The following LURAP1L variants were observed in gnomAD, a reference collection of about 807,000 sequenced individuals.
The protein encoded by LURAP1L is leucine rich adaptor protein 1 like, also known as leucine rich adaptor protein 1-like.
In LURAP1L, 12 loss-of-function variants were observed where a neutral mutation model predicts 13.8. The observed-to-expected ratio is 0.87, with a 90% confidence interval of 0.56 to 1.41. The LOEUF is 1.41. Among genes scored for constraint, LURAP1L ranks in the 40% most tolerant of loss-of-function variants. LURAP1L has a pLI of 0.00. For synonymous variants in LURAP1L, 139 were observed against 119.2 expected (o/e 1.17, Z -1.08); for missense variants, 375 against 292.9 (o/e 1.28, Z -2.04).
intron 1 of LURAP1L, among the ~76,000 whole-genome samples, chr9:12,778,225 T>A (rs1326800): frequency 6.6e-6 from 1 of 151,910 alleles, no homozygotes; most frequent in Non-Finnish European, 1.5e-5. Context: ...TAAGACCCAA[T>A]AGGATGTAGG....
intron 1 of LURAP1L, among the ~76,000 whole-genome samples, chr9:12,811,576 T>A (rs926336197): frequency 6.6e-6 from 1 of 152,188 alleles, no homozygotes; most frequent in African/African-American, 2.4e-5. Context: ...CTTACTCTAT[T>A]TGTTCCTTTT....
At chr9:12,813,530 A>G (rs1294701575) in intron 1 of LURAP1L, among the ~76,000 whole-genome samples, 1 of 152,192 alleles carries the variant, frequency 6.6e-6, no homozygotes, top group African/African-American at 2.4e-5. Context: ...AAAACACTAT[A>G]AAGCAGAACT....
chr9:12,811,778 A>C (rs1435848136), intron 1 of LURAP1L, among the ~76,000 whole-genome samples: 1 of 152,238 alleles, frequency 6.6e-6, no homozygotes, highest in African/African-American at 2.4e-5. Flanking sequence ...AACTTAAAAC[A>C]GCAAACATGT....
Position 12,821,386 on chromosome 9 carries a change from G to A in LURAP1L, c.313G>A (p.Val105Ile). Residue 105 changes from valine to isoleucine, a missense_variant and splice_region_variant, in exon 2 of 2, where the codon GTT becomes ATT. By Grantham distance (29) the Val-to-Ile change is conservative. Coordinates refer to ENST00000319264, the MANE Select transcript of LURAP1L (RefSeq NM_203403.2). ...TKLHLLRQEM[V>I]NLRATDVRLM... Reference sequence around the variant, plus strand: ...ATCTTTCTTCTCTCTTTGTCCATAGGTTAACCTCAGAGCCACAGACGTCAG... The same window carrying A: ...ATCTTTCTTCTCTCTTTGTCCATAGATTAACCTCAGAGCCACAGACGTCAG... The A allele has an allele frequency of 1.9e-6, 3 of 1,612,048 alleles. No individual in the cohort carries two copies. The highest frequency in any genetic ancestry group is 2.5e-6 in the Non-Finnish European group (3 of 1,178,480).
At chr9:12,791,691 TACACACACAC>T (rs111521632) in intron 1 of LURAP1L, among the ~76,000 whole-genome samples, 2 of 147,628 alleles carry the variant, frequency 1.4e-5, no homozygotes, top group Non-Finnish European at 3.0e-5. Context: ...CCCTTCTTTT[TACACACACAC>T]ACACACACAC....
At chr9:12,818,897 C>A (rs142779594) in intron 1 of LURAP1L, among the ~76,000 whole-genome samples, 1 of 152,214 alleles carries the variant, frequency 6.6e-6, no homozygotes, top group African/African-American at 2.4e-5. Context: ...GCTACAGATG[C>A]CTGCTGAATG....
In LURAP1L at chr9:12,787,941, G is replaced by A. The variant is rs191008514; in HGVS notation, c.312+11914G>A. On this transcript the variant is annotated intron_variant, in intron 1 of 1. Coordinates refer to ENST00000319264, the MANE Select transcript of LURAP1L (RefSeq NM_203403.2). ...AACCTGGCCAACATGGTGAAACCCC[G>A]TCTCTGCTAAAAATACAAAAATTAG... 3.6e-3 allele frequency among the ~76,000 whole-genome samples: 549 copies of A among 151,900 alleles called. 14 individuals carry two copies. The highest frequency in any genetic ancestry group is 0.033 in the Admixed American group (503 of 15,226).
intron 1 of LURAP1L, among the ~76,000 whole-genome samples, chr9:12,813,810 TA>T (rs1317009467): frequency 3.3e-5 from 5 of 152,096 alleles, no homozygotes; most frequent in Non-Finnish European, 1.5e-5. Context: ...AAGTGAAAAA[TA>T]ATTTAACAGT....
At chr9:12,804,980 TA>T (rs901738056) in intron 1 of LURAP1L, among the ~76,000 whole-genome samples, 1 of 152,150 alleles carries the variant, frequency 6.6e-6, no homozygotes, top group Non-Finnish European at 1.5e-5. Flanking sequence ...CCATAAGTTG[TA>T]ACCAAATTTA....
intron 1 of LURAP1L, among the ~76,000 whole-genome samples, chr9:12,812,033 T>C (rs147090036): frequency 0.013 from 1,952 of 152,308 alleles, 34 homozygotes; most frequent in Non-Finnish European, 0.014. Context: ...CAAGGGGCAG[T>C]TCACAGCATT....
Position 12,776,001 on chromosome 9 carries a change from A to G in LURAP1L, c.286A>G (p.Lys96Glu). 6.2e-7 allele frequency: 1 copy of G among 1,611,536 alleles called. No individual in the cohort carries two copies. The highest frequency in any genetic ancestry group is 1.3e-5 in the African/African-American group (1 of 74,900). Residue 96 changes from lysine to glutamate, a missense_variant, in exon 1 of 2, where the codon AAG becomes GAG. By Grantham distance (56) the Lys-to-Glu change is moderately conservative. Coordinates refer to ENST00000319264, the MANE Select transcript of LURAP1L (RefSeq NM_203403.2). ...TAGCGCCCTGGAGAGGCTAGAAACC[A>G]AGCTTCACCTCCTCAGGCAAGAGAT... ...HSSALERLET[K>E]LHLLRQEMVN...
chr9:12,806,716 CTTT>C (rs1159958939), intron 1 of LURAP1L, among the ~76,000 whole-genome samples: 3 of 151,704 alleles, frequency 2.0e-5, no homozygotes, highest in African/African-American at 2.4e-5. Context: ...TACTAATTTA[CTTT>C]TTTATTTTTT....
intron 1 of LURAP1L, among the ~76,000 whole-genome samples, chr9:12,783,061 G>T (rs1261666236): frequency 6.6e-6 from 1 of 151,598 alleles, no homozygotes; most frequent in Non-Finnish European, 1.5e-5. Flanking sequence ...TGTTAATTTT[G>T]TATCCTACAA....
chr9:12,784,802 G>C (rs536720263), intron 1 of LURAP1L, among the ~76,000 whole-genome samples: 47 of 151,918 alleles, frequency 3.1e-4, no homozygotes, highest in Non-Finnish European at 6.0e-4. Context: ...TCTGGCCCAG[G>C]GTGGGTGTAG....
At chr9:12,820,143 C>A (rs1380833208) in intron 1 of LURAP1L, among the ~76,000 whole-genome samples, 2 of 152,136 alleles carry the variant, frequency 1.3e-5, no homozygotes, top group Non-Finnish European at 2.9e-5. Context: ...AACTGTGGGA[C>A]CTGCAAAGAG....
At position 12,776,044 on chromosome 9, in the gene LURAP1L, A is replaced by C; in HGVS notation, c.312+17A>C. On this transcript the variant is annotated intron_variant, in intron 1 of 1. Transcript: ENST00000319264. ...CAAGAGATGGTGAGTGTGGTGCGCC[A>C]GCCGCGGGGGCTGGGACCTGGGCTG... 6.2e-7 allele frequency: 1 copy of C among 1,612,568 alleles called. No individual in the cohort carries two copies. Among genetic ancestry groups the C allele is most frequent in the Non-Finnish European group, 8.5e-7 (1 of 1,179,400 alleles).
intron 1 of LURAP1L, among the ~76,000 whole-genome samples, chr9:12,810,903 TG>T (rs1819727455): frequency 6.6e-6 from 1 of 152,186 alleles, no homozygotes; most frequent in South Asian, 2.1e-4. Flanking sequence ...AAAACAAAAC[TG>T]ATCTTAAGCA....
At chr9:12,786,400 C>T (rs1420091678) in intron 1 of LURAP1L, among the ~76,000 whole-genome samples, 2 of 151,124 alleles carry the variant, frequency 1.3e-5, no homozygotes, top group Admixed American at 1.3e-4. Flanking sequence ...ACATTGCATT[C>T]TTCAATATGA....
chr9:12,788,197 A>AAAGAAAGAAAG (rs760601874), intron 1 of LURAP1L, among the ~76,000 whole-genome samples: 1 of 149,504 alleles, frequency 6.7e-6, no homozygotes, highest in Non-Finnish European at 1.5e-5. Context: ...GAAAGAAAAG[A>AAAGAAAGAAAG]AAAGAAAAGA....
Sources: allele counts gnomAD v4.1 joint callset (sites outside exome capture counted in the v4.1 genomes callset), GRCh38; gene constraint gnomAD v4.1.1; transcripts MANE v1.5; gene names NCBI Gene and HGNC (gene_info 2026-07-23, HGNC 2026-07-21).